BCAP31: variants seen among roughly 807,000 people sequenced by gnomAD.
BCAP31 encodes B cell receptor associated protein 31, also known as B-cell receptor-associated protein 31.
For missense variants in BCAP31, 124 were observed against 193.0 expected (o/e 0.64, Z 2.12); for synonymous variants, 75 against 80.9 (o/e 0.93, Z 0.39).
chrX:153,714,355 A>G (rs1373871935), intron 4 of BCAP31, among the ~76,000 whole-genome samples: 2 of 110,976 alleles, frequency 1.8e-5, no homozygotes, highest in Non-Finnish European at 3.8e-5. Flanking sequence ...AGACCACAAG[A>G]TAATACTTGT....
intron 4 of BCAP31, among the ~76,000 whole-genome samples, chrX:153,707,269 C>T (rs782152795): frequency 1.4e-3 from 156 of 110,654 alleles, no homozygotes; most frequent in Non-Finnish European, 2.4e-3. Flanking sequence ...GGCTGCCCTA[C>T]CAGGCTATGA....
Position 153,703,930 on chromosome X carries a change from C to G in BCAP31, c.477+29G>C, listed in dbSNP as rs142068033. 3.7e-3 allele frequency: 4,439 copies of G among 1,205,409 alleles called. 117 individuals carry two copies. In the African/African-American group the frequency reaches 0.066, roughly 18 times the overall value. ...CTCCCACAGTGTAACACCAGGACGC[C>G]CCATGGTGGGTCGGGAAGCTGGGCT... On this transcript the variant is annotated intron_variant, in intron 5 of 7. Transcript: ENST00000345046.
rs1455552918 is a variant in BCAP31 at position 153,714,836 on chromosome X, G to A, written c.341+706C>T. 3.6e-5 allele frequency among the ~76,000 whole-genome samples: 4 copies of A among 110,887 alleles called. 1 individual carries two copies. The highest frequency in any genetic ancestry group is 7.7e-4 in the South Asian group (2 of 2,605). On this transcript the variant is annotated intron_variant, in intron 4 of 7. Transcript: ENST00000345046. ...TGAGAGCTCCACCCTCAAAGCAAGC[G>A]CCTTTCCAATGCCTTCATACATGGT...
At chrX:153,715,801 C>T (rs1459156376) in intron 3 of BCAP31, 112 bp from the exon 4 acceptor site, 4 of 930,805 alleles carry the variant, frequency 4.3e-6, no homozygotes, top group Middle Eastern at 3.0e-4. Flanking sequence ...CCCTCAAATC[C>T]GCCTCCCCAG....
chrX:153,706,302 C>T, intron 4 of BCAP31, among the ~76,000 whole-genome samples: 1 of 111,702 alleles, frequency 9.0e-6, no homozygotes, highest in Non-Finnish European at 1.9e-5. Flanking sequence ...GATCATTCTC[C>T]CCCCAGGAAC....
chrX:153,704,966 C>T (rs2091544625), intron 4 of BCAP31: 1 of 112,054 alleles, frequency 8.9e-6, no homozygotes, highest in Admixed American at 9.4e-5. Flanking sequence ...GGAATGGCCA[C>T]TTCATTTCCC....
intron 2 of BCAP31, among the ~76,000 whole-genome samples, chrX:153,721,858 C>T (rs1229485844): frequency 9.2e-6 from 1 of 108,626 alleles, no homozygotes; most frequent in Non-Finnish European, 1.9e-5. Flanking sequence ...AGCACCACAC[C>T]ACTGCACTCC....
intron 3 of BCAP31, 87 bp downstream of exon 3, chrX:153,720,785 G>A (rs1250648224): frequency 9.0e-5 from 80 of 887,486 alleles, no homozygotes; most frequent in Non-Finnish European, 1.2e-4. Flanking sequence ...GCCAAAACTG[G>A]ATGCTACACA....
chrX:153,715,741 A>G (rs782192504), intron 3 of BCAP31, 52 bp from the exon 4 acceptor site: 4 of 1,181,171 alleles, frequency 3.4e-6, no homozygotes, highest in Non-Finnish European at 4.6e-6. Context: ...CTAGGGCAAG[A>G]TAAGGCCATA....
At chrX:153,706,331 C>T (rs2091554792) in intron 4 of BCAP31, among the ~76,000 whole-genome samples, 1 of 112,239 alleles carries the variant, frequency 8.9e-6, no homozygotes, top group East Asian at 2.8e-4. Flanking sequence ...CAACTGCCTC[C>T]TTCCTGGAGT....
chrX:153,713,944 G>A (rs782471154), intron 4 of BCAP31, among the ~76,000 whole-genome samples: 1 of 85,794 alleles, frequency 1.2e-5, no homozygotes, highest in Admixed American at 1.5e-4. Context: ...GTGTGATCTC[G>A]GCTCACTGCA....
chrX:153,701,002 AG>A (rs782227483), intron 7 of BCAP31, 27 bp from the exon 8 acceptor site: 2 of 1,197,052 alleles, frequency 1.7e-6, no homozygotes, highest in East Asian at 3.0e-5. Flanking sequence ...ATCCCACAGC[AG>A]TAGGTTGGCC....
chrX:153,708,373 G>C (rs1557048599), intron 4 of BCAP31, among the ~76,000 whole-genome samples: 4 of 112,537 alleles, frequency 3.6e-5, no homozygotes. Flanking sequence ...GGGCTTAATA[G>C]GAAATGGAGA....
chrX:153,720,267 C>T (rs1350857229), intron 3 of BCAP31, among the ~76,000 whole-genome samples: 5 of 110,911 alleles, frequency 4.5e-5, no homozygotes, highest in Non-Finnish European at 5.7e-5. Context: ...CCTTAGGCGT[C>T]CCTCCTTCCA....
intron 2 of BCAP31, among the ~76,000 whole-genome samples, chrX:153,722,668 C>A (rs1557051317): frequency 8.9e-6 from 1 of 112,251 alleles, no homozygotes; most frequent in African/African-American, 3.2e-5. Flanking sequence ...TCACTTTTAA[C>A]AGGTCCTCTG....
At chrX:153,722,052 C>T (rs1370607411) in intron 2 of BCAP31, among the ~76,000 whole-genome samples, 1 of 112,168 alleles carries the variant, frequency 8.9e-6, no homozygotes, top group Non-Finnish European at 1.9e-5. Context: ...TGTCTTTCCA[C>T]ATGATAAACC....
intron 6 of BCAP31, 127 bp from the exon 7 acceptor site, chrX:153,702,234 A>G (rs2091523287): frequency 1.9e-6 from 1 of 540,118 alleles, no homozygotes; most frequent in Non-Finnish European, 3.0e-6. Flanking sequence ...ACAGGAGGCT[A>G]CTTCTCAAAA....
rs2091523958 is a variant in BCAP31, at chrX:153,702,315, A to G, written c.602-208T>C. 7.8e-6 allele frequency: 3 copies of G among 382,255 alleles called. No homozygotes were observed. In the East Asian group the frequency reaches 1.4e-4, roughly 18 times the overall value. The allele number at this position is 382,255 out of a possible 1,213,427, so 31.5% of individuals were successfully genotyped here. A position where few individuals can be genotyped will look rare whatever the true frequency, so the allele number is the denominator to read the frequency against. ...CTGACAAAAAAGCTCAAGATAAAGC[A>G]AAAGAAACACAGAGGCCATCCCCCA... is the stretch of plus-strand genomic sequence containing the variant. On this transcript the variant is annotated intron_variant, in intron 6 of 7. Coordinates refer to ENST00000345046, the MANE Select transcript of BCAP31 (RefSeq NM_001256447.2).
chrX:153,706,240 T>C (rs1168932629), intron 4 of BCAP31, among the ~76,000 whole-genome samples: 42 of 108,144 alleles, frequency 3.9e-4, no homozygotes, highest in African/African-American at 1.2e-3. Flanking sequence ...CCCAGCCCGA[T>C]AGTTCTTTTT....
Sources: allele counts gnomAD v4.1 joint callset (sites outside exome capture counted in the v4.1 genomes callset), GRCh38; gene constraint gnomAD v4.1.1; transcripts MANE v1.5; gene names NCBI Gene and HGNC (gene_info 2026-07-23, HGNC 2026-07-21).